IL1RAPL2: variants seen among roughly 807,000 people sequenced by gnomAD.
IL1RAPL2 encodes interleukin 1 receptor accessory protein like 2, also known as X-linked interleukin-1 receptor accessory protein-like 2.
In IL1RAPL2, 3 loss-of-function variants were observed where a neutral mutation model predicts 44.1. The observed-to-expected ratio is 0.07, with a 90% CI of 0.03 to 0.18. The LOEUF (loss-of-function observed/expected upper bound fraction) is 0.18. IL1RAPL2 is among the 10% of genes least tolerant of loss of function. IL1RAPL2 has a pLI of 1.00. For synonymous variants in IL1RAPL2, 181 were observed against 178.8 expected, an observed-to-expected ratio of 1.01 and a Z score of -0.10; for missense variants, 391 against 496.4, an observed-to-expected ratio of 0.79 and a Z score of 2.02.
At chrX:105,545,045 A>G (rs1022929434) in intron 6 of IL1RAPL2, among the ~76,000 whole-genome samples, 1 of 111,721 alleles carries the variant, frequency 9.0e-6, no homozygotes, top group Non-Finnish European at 1.9e-5. Flanking sequence ...TTGTATCTAT[A>G]TATGACCAAC....
chrX:105,731,547 A>G (rs1045556774), intron 7 of IL1RAPL2, among the ~76,000 whole-genome samples: 3 of 111,610 alleles, frequency 2.7e-5, no homozygotes, highest in Non-Finnish European at 5.7e-5. Flanking sequence ...AATAGCAATA[A>G]TATGGAATCA....
rs753598915 is a variant in IL1RAPL2 at position 105,502,023 on chromosome X, C to T, written c.772+17636C>T. On this transcript the variant is annotated intron_variant, in intron 6 of 10. Coordinates refer to ENST00000372582, the MANE Select transcript of IL1RAPL2 (RefSeq NM_017416.2). Reference sequence around the variant, plus strand: ...ATGGATATGGGTGAGCACTGGCTGTCCCAATAGCATTTATCTATTCCTACT... The same window carrying T: ...ATGGATATGGGTGAGCACTGGCTGTTCCAATAGCATTTATCTATTCCTACT... Among the ~76,000 whole-genome samples, 14 of 112,310 alleles carry T rather than the reference C, an allele frequency of 1.2e-4. No homozygotes were observed. In the Admixed American group the frequency reaches 1.3e-3, roughly 11 times the overall value.
chrX:105,404,972 G>T (rs373666094), intron 5 of IL1RAPL2, among the ~76,000 whole-genome samples: 8 of 111,488 alleles, frequency 7.2e-5, no homozygotes, highest in Non-Finnish European at 3.8e-5. Flanking sequence ...CAGATTTTTT[G>T]TATGTTTTGA....
At chrX:104,673,155 G>A (rs891106814) in intron 2 of IL1RAPL2, among the ~76,000 whole-genome samples, 8 of 111,644 alleles carry the variant, frequency 7.2e-5, no homozygotes, top group African/African-American at 2.6e-4. Flanking sequence ...TGGTGTTTTA[G>A]ACATGAAGTC....
chrX:105,388,168 A>G (rs1483271350), intron 5 of IL1RAPL2, among the ~76,000 whole-genome samples: 2 of 93,844 alleles, frequency 2.1e-5, no homozygotes, highest in South Asian at 5.2e-4. Flanking sequence ...AAAAAAAAAA[A>G]AAAAAAAAAA....
At chrX:105,293,106 C>T (rs2034626627) in intron 5 of IL1RAPL2, among the ~76,000 whole-genome samples, 2 of 46,553 alleles carry the variant, frequency 4.3e-5, no homozygotes, top group Admixed American at 3.7e-4. Flanking sequence ...CGACAGAGCA[C>T]GACTCTGTCC....
chrX:105,418,016 C>G (rs1490270166), intron 5 of IL1RAPL2, among the ~76,000 whole-genome samples: 1 of 111,574 alleles, frequency 9.0e-6, no homozygotes, highest in Non-Finnish European at 1.9e-5. Flanking sequence ...CCATGTAGAA[C>G]AAATCCCTCT....
At chrX:104,869,900 C>G (rs1922717086) in intron 2 of IL1RAPL2, among the ~76,000 whole-genome samples, 2 of 111,818 alleles carry the variant, frequency 1.8e-5, no homozygotes, top group Admixed American at 1.9e-4. Flanking sequence ...GTGCACATTT[C>G]TGGTAATTGT....
intron 2 of IL1RAPL2, among the ~76,000 whole-genome samples, chrX:105,093,164 C>T (rs1211066516): frequency 1.8e-5 from 2 of 108,657 alleles, no homozygotes; most frequent in South Asian, 3.9e-4. Flanking sequence ...TAAATACCCT[C>T]ATATGTGCAC....
chrX:105,001,170 C>T (rs907630409), intron 2 of IL1RAPL2, among the ~76,000 whole-genome samples: 3 of 111,671 alleles, frequency 2.7e-5, no homozygotes, highest in Non-Finnish European at 3.8e-5. Context: ...GAACTGCCAG[C>T]TAACCTTTTG....
intron 4 of IL1RAPL2, among the ~76,000 whole-genome samples, chrX:105,260,549 C>T (rs1243049360): frequency 1.8e-5 from 2 of 111,317 alleles, no homozygotes; most frequent in Non-Finnish European, 3.8e-5. Flanking sequence ...GTGGCCCACC[C>T]CTCCCTCTTG....
chrX:105,286,259 T>G (rs1287739231), intron 5 of IL1RAPL2, among the ~76,000 whole-genome samples: 1 of 110,783 alleles, frequency 9.0e-6, no homozygotes, highest in Non-Finnish European at 1.9e-5. Context: ...CTGGATGACC[T>G]TGGGGAGATT....
intron 2 of IL1RAPL2, among the ~76,000 whole-genome samples, chrX:104,798,569 G>A (rs1466630952): frequency 1.8e-5 from 2 of 111,269 alleles, no homozygotes; most frequent in Non-Finnish European, 3.8e-5. Context: ...GGGAGGCTGA[G>A]GCAGGAGAAT....
intron 2 of IL1RAPL2, among the ~76,000 whole-genome samples, chrX:105,113,812 C>T (rs1002595912): frequency 8.9e-6 from 1 of 111,836 alleles, no homozygotes; most frequent in African/African-American, 3.3e-5. Context: ...CATATTCTGA[C>T]TTCAGATTTG....
chrX:104,982,362 T>C (rs1246279230), intron 2 of IL1RAPL2, among the ~76,000 whole-genome samples: 1 of 111,276 alleles, frequency 9.0e-6, no homozygotes, highest in Admixed American at 9.6e-5. Flanking sequence ...CATAACACTT[T>C]GTATTTTTAA....
chrX:104,932,460 A>C (rs1391542973), intron 2 of IL1RAPL2, among the ~76,000 whole-genome samples: 1 of 111,742 alleles, frequency 8.9e-6, no homozygotes, highest in Non-Finnish European at 1.9e-5. Flanking sequence ...CATTATTTGA[A>C]GCAGTCATGT....
At chrX:105,043,822 T>G (rs1006162585) in intron 2 of IL1RAPL2, among the ~76,000 whole-genome samples, 1 of 111,683 alleles carries the variant, frequency 9.0e-6, no homozygotes, top group African/African-American at 3.2e-5. Flanking sequence ...GGTTGTTCTT[T>G]TCATCATGAA....
At chrX:104,680,099 A>G (rs1252681828) in intron 2 of IL1RAPL2, among the ~76,000 whole-genome samples, 1 of 112,024 alleles carries the variant, frequency 8.9e-6, no homozygotes, top group East Asian at 2.8e-4. Flanking sequence ...TAGGAATCCC[A>G]TTGAGAGCAC....
chrX:105,190,906 G>A (rs1317825003), intron 2 of IL1RAPL2, among the ~76,000 whole-genome samples: 2 of 112,301 alleles, frequency 1.8e-5, no homozygotes, highest in Admixed American at 1.9e-4. Context: ...TGAAGAGGAA[G>A]TAGGAGGCTT....
Sources: allele counts gnomAD v4.1 joint callset (sites outside exome capture counted in the v4.1 genomes callset), GRCh38; gene constraint gnomAD v4.1.1; transcripts MANE v1.5; gene names NCBI Gene and HGNC (gene_info 2026-07-23, HGNC 2026-07-21).